Variants in SYT6 observed in about 807,000 individuals in gnomAD.
The protein encoded by SYT6 is synaptotagmin-6.
In SYT6, 24 loss-of-function variants were observed where a neutral mutation model predicts 38.4. The ratio of observed to expected loss-of-function variants is 0.62; its 90% CI spans 0.45 to 0.88. The LOEUF (loss-of-function observed/expected upper bound fraction) is 0.88. Among genes scored for constraint, SYT6 ranks in the 40% least tolerant of loss-of-function variants. The probability of loss-of-function intolerance (pLI) is 0.00; values close to 1 mark genes in which losing one functional copy is unlikely to be tolerated. For synonymous variants in SYT6, 265 were observed against 241.9 expected (o/e 1.10, Z -0.89); for missense variants, 611 against 621.0 (o/e 0.98, Z 0.17).
At position 114,091,129 on chromosome 1, in the gene SYT6, A is replaced by T. The variant is rs547175943; in HGVS notation, c.*1005T>A. Reference sequence around the variant, plus strand: ...AGGTTTTTCTTTAATCTGTTTAGGCATTTTAAACAGCAGCTTGATACTTCA... The same window carrying T: ...AGGTTTTTCTTTAATCTGTTTAGGCTTTTTAAACAGCAGCTTGATACTTCA... On this transcript the variant is annotated 3_prime_UTR_variant, in exon 8 of 8. Coordinates refer to ENST00000610222, the MANE Select transcript of SYT6 (RefSeq NM_001253772.2). 5.2e-5 allele frequency: 8 copies of T among 152,908 alleles called. No individual in the cohort carries two copies. In the South Asian group the frequency reaches 1.5e-3, roughly 28 times the overall value. The allele number at this position is 152,908 out of a possible 1,614,324, so 9.5% of individuals were successfully genotyped here.
At chr1:114,132,779 T>C (rs1039216528) in intron 3 of SYT6, among the ~76,000 whole-genome samples, 10 of 152,222 alleles carry the variant, frequency 6.6e-5, no homozygotes, top group African/African-American at 2.2e-4. Flanking sequence ...CAAGCTGCTC[T>C]GTGACAGTGC....
chr1:114,150,300 A>C (rs1679379480), intron 1 of SYT6, among the ~76,000 whole-genome samples: 1 of 152,224 alleles, frequency 6.6e-6, no homozygotes, highest in Admixed American at 6.5e-5. Flanking sequence ...TTCTAGAACT[A>C]TAAATCTAAG....
chr1:114,127,908 G>A (rs1264305014), intron 3 of SYT6, among the ~76,000 whole-genome samples: 1 of 152,172 alleles, frequency 6.6e-6, no homozygotes, highest in Non-Finnish European at 1.5e-5. Context: ...GACAACCGGG[G>A]AGCTGCACAG....
chr1:114,122,020 C>T (rs1677431027), intron 3 of SYT6, among the ~76,000 whole-genome samples: 1 of 152,228 alleles, frequency 6.6e-6, no homozygotes, highest in African/African-American at 2.4e-5. Context: ...CCCCAGCCTC[C>T]TGACTCCAAC....
intron 3 of SYT6, among the ~76,000 whole-genome samples, chr1:114,108,812 T>C (rs146348681): frequency 1.8e-3 from 272 of 152,334 alleles, no homozygotes; most frequent in African/African-American, 5.1e-3. Flanking sequence ...GAATGCAGGC[T>C]AAGCAAAGCA....
intron 3 of SYT6, among the ~76,000 whole-genome samples, chr1:114,110,388 T>C (rs1208549117): frequency 6.6e-6 from 1 of 151,678 alleles, no homozygotes; most frequent in African/African-American, 2.4e-5. Flanking sequence ...TGACCAAGGG[T>C]AGTGAGTGGG....
chr1:114,129,858 A>AT (rs1678043466), intron 3 of SYT6, among the ~76,000 whole-genome samples: 1 of 134,200 alleles, frequency 7.5e-6, no homozygotes, highest in African/African-American at 2.7e-5. Flanking sequence ...TTTTTTTTTA[A>AT]TTTTTTGTAG....
chr1:114,092,338 CTGTGTGTGTGTG>C (rs57240903), intron 7 of SYT6, among the ~76,000 whole-genome samples: 142 of 128,564 alleles, frequency 1.1e-3, no homozygotes, highest in African/African-American at 3.6e-3. Context: ...CTCTCTCTCT[CTGTGTGTGTGTG>C]TGTGTGTGTG....
chr1:114,142,074 G>A (rs1678894623), intron 1 of SYT6, among the ~76,000 whole-genome samples: 1 of 152,160 alleles, frequency 6.6e-6, no homozygotes, highest in African/African-American at 2.4e-5. Context: ...CTAAAACAAC[G>A]TCCATTCTGC....
intron 3 of SYT6, among the ~76,000 whole-genome samples, chr1:114,124,796 A>C (rs1677628238): frequency 6.6e-6 from 1 of 152,248 alleles, no homozygotes; most frequent in Admixed American, 6.5e-5. Context: ...CTGAGTGGCA[A>C]CATGGGGGAG....
chr1:114,105,542 C>T (rs1242539025), intron 3 of SYT6, among the ~76,000 whole-genome samples: 1 of 151,962 alleles, frequency 6.6e-6, no homozygotes, highest in Non-Finnish European at 1.5e-5. Flanking sequence ...GCGGGGCACA[C>T]TGTGGAGACA....
intron 3 of SYT6, among the ~76,000 whole-genome samples, chr1:114,122,502 T>TGC (rs1389720529): frequency 3.8e-4 from 39 of 102,250 alleles, no homozygotes; most frequent in East Asian, 1.9e-3. Context: ...TGTGTGTGTG[T>TGC]GTGTGCGCGC....
chr1:114,106,722 C>G (rs1486553690), intron 3 of SYT6, among the ~76,000 whole-genome samples: 1 of 152,102 alleles, frequency 6.6e-6, no homozygotes, highest in Admixed American at 6.5e-5. Context: ...CACCACACCC[C>G]CATGGACCCT....
chr1:114,128,582 C>T (rs61810281), intron 3 of SYT6, among the ~76,000 whole-genome samples: 47,231 of 152,120 alleles, frequency 0.31, 8,268 homozygotes, highest in East Asian at 0.63. Context: ...CTTCCCCACT[C>T]GGGTTCCACC....
At chr1:114,129,599 TCTTTCTTTCTTTCTTTC>T (rs1466723084) in intron 3 of SYT6, among the ~76,000 whole-genome samples, 3 of 108,440 alleles carry the variant, frequency 2.8e-5, no homozygotes, top group South Asian at 4.3e-4. Context: ...TTTCTTTCTT[TCTTTCTTTCTTTCTTTC>T]CTTTCTTTCT....
At chr1:114,130,475 C>A (rs74112947) in intron 3 of SYT6, among the ~76,000 whole-genome samples, 1,827 of 152,222 alleles carry the variant, frequency 0.012, 40 homozygotes, top group African/African-American at 0.041. Flanking sequence ...GACCCTCTTT[C>A]TCCTTCATCC....
At chr1:114,132,979 T>G (rs983107462) in intron 3 of SYT6, among the ~76,000 whole-genome samples, 1 of 152,162 alleles carries the variant, frequency 6.6e-6, no homozygotes, top group Non-Finnish European at 1.5e-5. Context: ...AAGCCTGCAC[T>G]CCTTCTGCAC....
intron 1 of SYT6, among the ~76,000 whole-genome samples, chr1:114,151,509 TC>T (rs757709152): frequency 5.3e-5 from 8 of 151,904 alleles, no homozygotes; most frequent in Non-Finnish European, 8.8e-5. Flanking sequence ...CACCTGTGCC[TC>T]CCCCTACCAA....
chr1:114,147,729 G>A (rs1054912375), intron 1 of SYT6, among the ~76,000 whole-genome samples: 22 of 152,320 alleles, frequency 1.4e-4, no homozygotes, highest in African/African-American at 4.6e-4. Context: ...TATTTAACCT[G>A]TCCAAATCTT....
Sources: gnomAD v4.1 joint callset for allele counts (sites outside exome capture counted in the v4.1 genomes callset) on GRCh38, gnomAD v4.1.1 for gene constraint, MANE v1.5 for transcripts, NCBI Gene and HGNC (gene_info 2026-07-23, HGNC 2026-07-21) for gene names.